Variants in CAPNS1 observed in about 807,000 individuals in gnomAD.
The protein encoded by CAPNS1 is calpain small subunit 1, also known as CANP small subunit.
In CAPNS1, 32 loss-of-function variants were observed where a neutral mutation model predicts 39.2. The ratio of observed to expected loss-of-function variants is 0.82; its 90% confidence interval spans 0.62 to 1.10. CAPNS1 has a LOEUF of 1.10. Among genes scored for constraint, CAPNS1 ranks in the 50% least tolerant of loss-of-function variants. The pLI is 0.00. For synonymous variants in CAPNS1, 153 were observed against 136.2 expected (o/e 1.12, Z -0.86); for missense variants, 353 against 373.1 (o/e 0.95, Z 0.44).
chr19:36,147,656 C>T (rs1463428607), intron 9 of CAPNS1, among the ~76,000 whole-genome samples: 2 of 152,098 alleles, frequency 1.3e-5, no homozygotes, highest in Non-Finnish European at 2.9e-5. Context: ...GTCCCAGCTA[C>T]TTGGGAGGCT....
Position 36,141,133 on chromosome 19 carries a change from G to A in CAPNS1, c.122G>A (p.Gly41Asp). The change falls in exon 2 of 11, where the codon GGC becomes GAC. Residue 41 changes from glycine (G) to aspartate (D), a missense_variant. Gly to Asp is a moderately conservative substitution (Grantham distance 94). Transcript: ENST00000246533. ...ATCAGCGGGGCCGGGGGCGGCGGCG[G>A]CGGCGGCGGCGGCGGCGGCGGTGGT... The part of the protein sequence containing the change: ...GLISGAGGGG[G>D]GGGGGGGGGG... The A allele has an allele frequency of 7.3e-7, 1 of 1,378,384 alleles. No individual in the cohort carries two copies. The highest frequency in any genetic ancestry group is 3.9e-5 in the Admixed American group (1 of 25,652). The allele number at this position is 1,378,384 out of a possible 1,614,324, so 85.4% of individuals were successfully genotyped here. A position where few individuals can be genotyped will look rare whatever the true frequency, so the allele number is the denominator to read the frequency against.
chr19:36,149,749 TGAGGG>T, intron 10 of CAPNS1, 59 bp from the exon 11 acceptor site: 1 of 1,589,950 alleles, frequency 6.3e-7, no homozygotes, highest in South Asian at 1.1e-5. Context: ...CGTCCCTGGG[TGAGGG>T]CAAAGGGGCT....
At chr19:36,146,139 C>G in intron 8 of CAPNS1, 57 bp from the exon 9 acceptor site, 1 of 1,579,020 alleles carries the variant, frequency 6.3e-7, no homozygotes, top group South Asian at 1.1e-5. Flanking sequence ...GACTCCTGGG[C>G]ATGGGAGTGG....
chr19:36,146,645 G>A (rs983405648), intron 9 of CAPNS1, among the ~76,000 whole-genome samples: 3 of 152,130 alleles, frequency 2.0e-5, no homozygotes, highest in African/African-American at 4.8e-5. Context: ...AGCCTAGAGG[G>A]CAAATCCAAT....
chr19:36,149,684 C>T, intron 10 of CAPNS1, 48 bp downstream of exon 10: 2 of 1,594,324 alleles, frequency 1.3e-6, no homozygotes, highest in South Asian at 1.1e-5. Context: ...GACCCCACCC[C>T]TCAGCCCTTC....
chr19:36,149,797 AC>A lies in CAPNS1; in HGVS notation c.781-13del, dbSNP rs774766652. The A allele has an allele frequency of 2.0e-6, 3 of 1,532,024 alleles. No individual in the cohort carries two copies. In the South Asian group the frequency reaches 3.7e-5, roughly 19 times the overall value. The allele number at this position is 1,532,024 out of a possible 1,614,324, so 94.9% of individuals were successfully genotyped here. ...TTGGGGTTCCCTGTCCTCACTCTCC[AC>A]CCTCCTCTCCCCAGTGGCTGCAGCT... On this transcript the variant is annotated splice_polypyrimidine_tract_variant and intron_variant, in intron 10 of 10. Transcript: ENST00000246533.
At position 36,141,125 on chromosome 19, in the gene CAPNS1, C is replaced by T; in HGVS notation, c.114C>T (p.Gly38=). The T allele has an allele frequency of 1.7e-6, 2 of 1,151,354 alleles. No individual in the cohort carries two copies. The highest frequency in any genetic ancestry group is 2.2e-6 in the Non-Finnish European group (2 of 894,496). 71.3% of individuals were successfully genotyped at this position (1,151,354 alleles called of 1,614,324 possible). Residue 38 remains glycine, a synonymous_variant, in exon 2 of 11, where the codon GGC becomes GGT. Transcript: ENST00000246533. The part of the protein sequence containing the change: ...VLGGLISGAG[G]GGGGGGGGGG... The stretch of plus-strand genomic sequence containing the variant: ...GAGGCCTGATCAGCGGGGCCGGGGG[C>T]GGCGGCGGCGGCGGCGGCGGCGGCG...
chr19:36,145,751 A>G lies in CAPNS1; in HGVS notation c.457-55A>G, dbSNP rs373683194. ...TGTATCACCATCGTGTCCACAGTGCATGTGATGCATGCATCTGGGTGTAGC... is the reference window on the plus strand; with the variant it reads ...TGTATCACCATCGTGTCCACAGTGCGTGTGATGCATGCATCTGGGTGTAGC... On this transcript the variant is annotated intron_variant, in intron 6 of 10. Transcript: ENST00000246533. The G allele has an allele frequency of 4.8e-5, 70 of 1,471,134 alleles. No homozygotes were observed. In the African/African-American group the frequency reaches 9.1e-4, roughly 19 times the overall value. 91.1% of individuals were successfully genotyped at this position (1,471,134 alleles called of 1,614,324 possible).
chr19:36,141,960 G>T (rs941549553), intron 2 of CAPNS1, among the ~76,000 whole-genome samples: 2 of 152,126 alleles, frequency 1.3e-5, no homozygotes, highest in Admixed American at 1.3e-4. Context: ...GCCCTCCAAG[G>T]GGCGGGGTCT....
In CAPNS1 at chr19:36,149,566, C is replaced by G. The variant is rs779013240; in HGVS notation, c.722-12C>G. 3.9e-5 allele frequency: 57 copies of G among 1,468,992 alleles called. No individual in the cohort carries two copies. Among genetic ancestry groups the G allele is most frequent in the Non-Finnish European group, 4.3e-5 (48 of 1,107,170 alleles). The allele number at this position is 1,468,992 out of a possible 1,614,324, so 91.0% of individuals were successfully genotyped here. On this transcript the variant is annotated splice_polypyrimidine_tract_variant and intron_variant, in intron 9 of 10. Coordinates refer to ENST00000246533, the MANE Select transcript of CAPNS1 (RefSeq NM_001749.4). ...CTTCCCTGCCGCCAAACCTCTGCAT[C>G]TCCTCCTCCAGGTGCCTTCAAATCT...
intron 3 of CAPNS1, 79 bp from the exon 4 acceptor site, chr19:36,142,573 C>A: frequency 8.6e-7 from 1 of 1,159,884 alleles, no homozygotes; most frequent in Non-Finnish European, 1.3e-6. Flanking sequence ...TCTGACTTCC[C>A]CACCCAGGGT....
At chr19:36,142,548 A>G (rs766391056) in intron 3 of CAPNS1, 104 bp from the exon 4 acceptor site, 1 of 869,142 alleles carries the variant, frequency 1.2e-6, no homozygotes, top group Non-Finnish European at 1.9e-6. Context: ...TTCCTCATCA[A>G]GCTGCCCAGC....
intron 6 of CAPNS1, 186 bp from the exon 7 acceptor site, chr19:36,145,620 G>A (rs964438114): frequency 1.0e-5 from 6 of 574,474 alleles, no homozygotes; most frequent in South Asian, 4.6e-5. Context: ...ATTTAGAAAT[G>A]TAAGTGACAA....
Position 36,141,140 on chromosome 19 carries a change from CGGCGGCGGCGGCGGTGGTGGA to C in CAPNS1, c.138_158del (p.Gly50_Gly56del), listed in dbSNP as rs779030286. The C allele has an allele frequency of 2.9e-5, 40 of 1,384,768 alleles. No individual in the cohort carries two copies. The South Asian group carries it at 5.6e-4, about 19-fold the overall frequency. The allele number at this position is 1,384,768 out of a possible 1,614,324, so 85.8% of individuals were successfully genotyped here. Reference sequence around the variant, plus strand: ...GGGCCGGGGGCGGCGGCGGCGGCGGCGGCGGCGGCGGCGGTGGTGGAGGCGGCGGTGGCGGTGGAACGGCCA... The same window carrying C: ...GGGCCGGGGGCGGCGGCGGCGGCGGCGGCGGCGGTGGCGGTGGAACGGCCA... On this transcript the variant is annotated inframe_deletion, in exon 2 of 11. Coordinates refer to ENST00000246533, the MANE Select transcript of CAPNS1 (RefSeq NM_001749.4).
chr19:36,146,454 A>G, intron 9 of CAPNS1, 142 bp downstream of exon 9: 1 of 692,226 alleles, frequency 1.4e-6, no homozygotes, highest in Non-Finnish European at 2.7e-6. Context: ...GCCCTCATGG[A>G]GCTCACAGTC....
In CAPNS1 at chr19:36,141,161, A is replaced by G; in HGVS notation, c.150A>G (p.Gly50=). 7.2e-7 allele frequency: 1 copy of G among 1,398,096 alleles called. No individual in the cohort carries two copies. The highest frequency in any genetic ancestry group is 9.3e-7 in the Non-Finnish European group (1 of 1,079,952). 86.6% of individuals were successfully genotyped at this position (1,398,096 alleles called of 1,614,324 possible). The change falls in exon 2 of 11, where the codon GGA becomes GGG. Residue 50 remains glycine (G), a synonymous_variant. Transcript: ENST00000246533. Reference sequence around the variant, plus strand: ...GCGGCGGCGGCGGCGGCGGTGGTGGAGGCGGCGGTGGCGGTGGAACGGCCA... The same window carrying G: ...GCGGCGGCGGCGGCGGCGGTGGTGGGGGCGGCGGTGGCGGTGGAACGGCCA... The part of the protein sequence containing the change: ...GGGGGGGGGG[G]GGGGGGTAMR...
Position 36,141,054 on chromosome 19 carries a change from G to T in CAPNS1, c.43G>T (p.Gly15Cys), listed in dbSNP as rs774127921. The change falls in exon 2 of 11, where the codon GGC (glycine) becomes TGC (cysteine). Residue 15 changes from glycine (G) to cysteine (C), a missense_variant. Transcript: ENST00000246533. ...NSFLKGGGGGGGGGGGLGGGL... is the reference protein window; with the variant it reads ...NSFLKGGGGGCGGGGGLGGGL... ...GTTCTTGAAGGGCGGCGGCGGCGGC[G>T]GCGGGGGAGGCGGGGGCCTGGGTGG... 3 of 1,529,464 alleles carry T rather than the reference G, an allele frequency of 2.0e-6. No homozygotes were observed. Among genetic ancestry groups the T allele is most frequent in the East Asian group, 2.6e-5 (1 of 37,872 alleles). 94.7% of individuals were successfully genotyped at this position (1,529,464 alleles called of 1,614,324 possible).
At position 36,141,215 on chromosome 19, in the gene CAPNS1, C is replaced by A; in HGVS notation, c.204C>A (p.Ala68=). ...AMRILGGVIS[A]ISEAAAQYNP... ...GCATCCTAGGCGGAGTCATCAGCGC[C>A]ATCAGGTAAGGCGGAGACTATCAGA... Residue 68 remains alanine, a synonymous_variant, in exon 2 of 11, where the codon GCC becomes GCA. Transcript: ENST00000246533. 1 of 1,504,182 alleles carries A rather than the reference C, an allele frequency of 6.6e-7. No homozygotes were observed. Among genetic ancestry groups the A allele is most frequent in the Non-Finnish European group, 8.8e-7 (1 of 1,132,826 alleles). The allele number at this position is 1,504,182 out of a possible 1,614,324, so 93.2% of individuals were successfully genotyped here. A position where few individuals can be genotyped will look rare whatever the true frequency, so the allele number is the denominator to read the frequency against.
Position 36,149,622 on chromosome 19 carries a change from G to A in CAPNS1, c.766G>A (p.Val256Met), listed in dbSNP as rs1974700372. Reference sequence around the variant, plus strand: ...CAAAGATGGCACTGGACAAATCCAGGTGAACATCCAGGAGGTAAGGACCCC... The same window carrying A: ...CAAAGATGGCACTGGACAAATCCAGATGAACATCCAGGAGGTAAGGACCCC... ...LDKDGTGQIQVNIQEWLQLTM... is the reference protein window; with the variant it reads ...LDKDGTGQIQMNIQEWLQLTM... Residue 256 changes from valine to methionine, a missense_variant, in exon 10 of 11, where the codon GTG becomes ATG. Physicochemically the swap from Val to Met is conservative, Grantham distance 21. Transcript: ENST00000246533. 5.2e-6 allele frequency: 8 copies of A among 1,544,578 alleles called. No individual in the cohort carries two copies. In the East Asian group the frequency reaches 2.0e-4, roughly 38 times the overall value.
Sources: allele counts gnomAD v4.1 joint callset (sites outside exome capture counted in the v4.1 genomes callset), GRCh38; gene constraint gnomAD v4.1.1; transcripts MANE v1.5; gene names NCBI Gene and HGNC (gene_info 2026-07-23, HGNC 2026-07-21).